FOXP2: variants seen among roughly 807,000 people sequenced by gnomAD.
FOXP2 encodes the protein forkhead box protein P2.
FOXP2 carries 12 observed loss-of-function variants against 115.8 expected under a neutral mutation model. The observed-to-expected ratio is 0.10, with a 90% CI of 0.07 to 0.17. The LOEUF (loss-of-function observed/expected upper bound fraction) is 0.17. Among genes scored for constraint, FOXP2 ranks in the 10% least tolerant of loss-of-function variants. The probability of loss-of-function intolerance (pLI) is 1.00; values close to 1 mark genes in which losing one functional copy is unlikely to be tolerated. For synonymous variants in FOXP2, 328 were observed against 297.7 expected (o/e 1.10, Z -1.05); for missense variants, 629 against 843.5 (o/e 0.75, Z 3.15).
intron 3 of FOXP2, among the ~76,000 whole-genome samples, chr7:114,598,373 T>A (rs2129312119): frequency 6.6e-6 from 1 of 152,256 alleles, no homozygotes; most frequent in East Asian, 1.9e-4. Context: ...ATATATCTTT[T>A]GATGGATACT....
chr7:114,654,148 T>C, intron 10 of FOXP2, 139 bp downstream of exon 10: 1 of 1,538,824 alleles, frequency 6.5e-7, no homozygotes, highest in Non-Finnish European at 8.8e-7. Context: ...ATGTAATCGC[T>C]TGTCAAATTG....
At chr7:114,127,198 G>A (rs754319378) in intron 1 of FOXP2, among the ~76,000 whole-genome samples, 1 of 152,190 alleles carries the variant, frequency 6.6e-6, no homozygotes, top group Non-Finnish European at 1.5e-5. Flanking sequence ...GACTGAATAT[G>A]AAAGCCTACT....
chr7:114,620,210 A>G (rs1393948151), intron 3 of FOXP2, among the ~76,000 whole-genome samples: 1 of 152,082 alleles, frequency 6.6e-6, no homozygotes, highest in South Asian at 2.1e-4. Context: ...AGAACTTGAT[A>G]TATAACCTAA....
intron 2 of FOXP2, among the ~76,000 whole-genome samples, chr7:114,294,583 G>T (rs938607918): frequency 6.6e-6 from 1 of 152,110 alleles, no homozygotes; most frequent in African/African-American, 2.4e-5. Context: ...GCTTACACCT[G>T]TAATCCCATC....
chr7:114,114,986 G>A (rs536575279), intron 1 of FOXP2, among the ~76,000 whole-genome samples: 1 of 152,072 alleles, frequency 6.6e-6, no homozygotes, highest in South Asian at 2.1e-4. Flanking sequence ...TTAAACAGTT[G>A]TTTTATTTTG....
At chr7:114,673,908 G>A (rs1807625626) in intron 16 of FOXP2, among the ~76,000 whole-genome samples, 1 of 152,084 alleles carries the variant, frequency 6.6e-6, no homozygotes, top group African/African-American at 2.4e-5. Flanking sequence ...CACCATGTTG[G>A]CCAGGATGGT....
intron 2 of FOXP2, among the ~76,000 whole-genome samples, chr7:114,491,773 G>T (rs922331712): frequency 6.6e-6 from 1 of 152,152 alleles, no homozygotes; most frequent in African/African-American, 2.4e-5. Flanking sequence ...ACTTGATCAT[G>T]GTGGATAAGC....
At chr7:114,136,634 T>C (rs1792045898) in intron 1 of FOXP2, among the ~76,000 whole-genome samples, 1 of 151,814 alleles carries the variant, frequency 6.6e-6, no homozygotes, top group Non-Finnish European at 1.5e-5. Context: ...TCTGCTTGTC[T>C]TTGAAGAATT....
intron 1 of FOXP2, among the ~76,000 whole-genome samples, chr7:114,169,565 G>A (rs1793081131): frequency 6.6e-6 from 1 of 152,192 alleles, no homozygotes; most frequent in Non-Finnish European, 1.5e-5. Flanking sequence ...TTCATGGGGG[G>A]AAGGGACTTG....
chr7:114,546,413 C>T (rs1799928039), intron 3 of FOXP2, among the ~76,000 whole-genome samples: 1 of 152,238 alleles, frequency 6.6e-6, no homozygotes, highest in African/African-American at 2.4e-5. Flanking sequence ...ACAACCATGA[C>T]TTAATCCTTA....
chr7:114,186,066 C>T (rs906877406), intron 1 of FOXP2, among the ~76,000 whole-genome samples: 2 of 152,024 alleles, frequency 1.3e-5, no homozygotes, highest in Admixed American at 6.6e-5. Flanking sequence ...ACCCTCATGG[C>T]CTAGTCACCT....
At chr7:114,364,838 G>A (rs1562888284) in intron 2 of FOXP2, among the ~76,000 whole-genome samples, 1 of 152,056 alleles carries the variant, frequency 6.6e-6, no homozygotes, top group Non-Finnish European at 1.5e-5. Flanking sequence ...TTTGGCTAGT[G>A]GCATTCAGAC....
At chr7:114,475,659 T>C (rs532740488) in intron 2 of FOXP2, among the ~76,000 whole-genome samples, 1 of 152,174 alleles carries the variant, frequency 6.6e-6, no homozygotes, top group African/African-American at 2.4e-5. Context: ...TATTCAAAAG[T>C]CATTTAGAGA....
At chr7:114,329,716 G>A (rs1037320863) in intron 2 of FOXP2, among the ~76,000 whole-genome samples, 1 of 150,816 alleles carries the variant, frequency 6.6e-6, no homozygotes, top group African/African-American at 2.4e-5. Context: ...TTGCTCTGTT[G>A]CCCAGGCTGG....
intron 2 of FOXP2, among the ~76,000 whole-genome samples, chr7:114,488,063 A>G (rs1796873304): frequency 1.3e-5 from 2 of 152,326 alleles, no homozygotes; most frequent in South Asian, 4.1e-4. Context: ...AAAGAAAAAC[A>G]GATTTTATGG....
At chr7:114,350,109 G>A (rs938980256) in intron 2 of FOXP2, among the ~76,000 whole-genome samples, 5 of 152,070 alleles carry the variant, frequency 3.3e-5, no homozygotes, top group African/African-American at 9.7e-5. Context: ...AGAATAAACA[G>A]ACATCAAAAA....
chr7:114,231,896 G>T (rs1794884416), intron 1 of FOXP2, among the ~76,000 whole-genome samples: 1 of 152,122 alleles, frequency 6.6e-6, no homozygotes, highest in South Asian at 2.1e-4. Context: ...AAGTTTCAGT[G>T]CAGCAAAAGA....
At chr7:114,360,429 G>T (rs1175705568) in intron 2 of FOXP2, among the ~76,000 whole-genome samples, 1 of 151,778 alleles carries the variant, frequency 6.6e-6, no homozygotes, top group Non-Finnish European at 1.5e-5. Context: ...GAAGTGTTTT[G>T]CCTTGATTTC....
chr7:114,430,312 C>A (rs1794048262), intron 2 of FOXP2, among the ~76,000 whole-genome samples: 1 of 151,628 alleles, frequency 6.6e-6, no homozygotes, highest in East Asian at 1.9e-4. Flanking sequence ...AAATGAAATA[C>A]CAAGAATGAA....
Sources: allele counts gnomAD v4.1 joint callset (sites outside exome capture counted in the v4.1 genomes callset), GRCh38; gene constraint gnomAD v4.1.1; transcripts MANE v1.5; gene names NCBI Gene and HGNC (gene_info 2026-07-23, HGNC 2026-07-21).